Variants in ZBTB7C observed in about 807,000 individuals in gnomAD.
ZBTB7C encodes zinc finger and BTB domain-containing protein 7C.
ZBTB7C carries 8 observed loss-of-function variants against 25.7 expected under a neutral mutation model. That is an observed-to-expected ratio of 0.31 (90% CI 0.18 to 0.56). The LOEUF (loss-of-function observed/expected upper bound fraction) is 0.56. Ranked by LOEUF, ZBTB7C falls within the 20% of genes least tolerant of loss-of-function variation. The pLI is 0.91. For missense variants in ZBTB7C, 824 were observed against 855.2 expected (o/e 0.96, Z 0.46); for synonymous variants, 394 against 369.0 (o/e 1.07, Z -0.78).
chr18:48,204,710 G>A (rs2042538066), intron 2 of ZBTB7C, among the ~76,000 whole-genome samples: 1 of 152,134 alleles, frequency 6.6e-6, no homozygotes, highest in Non-Finnish European at 1.5e-5. Flanking sequence ...GTTGTGTTAT[G>A]TGTTCCATGG....
intron 2 of ZBTB7C, among the ~76,000 whole-genome samples, chr18:48,294,064 G>A (rs537655996): frequency 1.3e-5 from 2 of 152,352 alleles, no homozygotes; most frequent in African/African-American, 4.8e-5. Context: ...GCACGAATGC[G>A]GTGTTTACCT....
intron 4 of ZBTB7C, among the ~76,000 whole-genome samples, chr18:48,034,023 C>T (rs2035867379): frequency 6.6e-6 from 1 of 152,178 alleles, no homozygotes; most frequent in African/African-American, 2.4e-5. Context: ...GGCTGGCTGG[C>T]TTCCTTGCTG....
intron 1 of ZBTB7C, among the ~76,000 whole-genome samples, chr18:48,357,503 C>T (rs572055768): frequency 6.2e-4 from 94 of 152,312 alleles, no homozygotes; most frequent in African/African-American, 2.2e-3. Flanking sequence ...CAGCGCTCAG[C>T]GTCGTTTAGG....
chr18:48,067,126 A>C (rs565249358), intron 3 of ZBTB7C, among the ~76,000 whole-genome samples: 1 of 152,262 alleles, frequency 6.6e-6, no homozygotes, highest in East Asian at 1.9e-4. Flanking sequence ...AAAACAAAAC[A>C]AAACCTAGCT....
chr18:48,191,434 T>C (rs1292927785), intron 2 of ZBTB7C, among the ~76,000 whole-genome samples: 3 of 152,184 alleles, frequency 2.0e-5, no homozygotes, highest in Non-Finnish European at 4.4e-5. Context: ...TTTCACAAGG[T>C]TGAAGCAAGA....
intron 3 of ZBTB7C, among the ~76,000 whole-genome samples, chr18:48,054,199 G>A (rs1306015887): frequency 6.6e-6 from 1 of 152,190 alleles, no homozygotes; most frequent in Non-Finnish European, 1.5e-5. Context: ...ATCAGGGAAG[G>A]TTCTGGATAG....
intron 2 of ZBTB7C, among the ~76,000 whole-genome samples, chr18:48,265,423 C>T (rs1445596119): frequency 6.6e-6 from 1 of 152,184 alleles, no homozygotes; most frequent in African/African-American, 2.4e-5. Context: ...GAGTTCAAGT[C>T]TTGGTTCATC....
At chr18:48,366,532 T>C (rs369132769) in intron 1 of ZBTB7C, among the ~76,000 whole-genome samples, 4 of 152,286 alleles carry the variant, frequency 2.6e-5, no homozygotes, top group African/African-American at 9.6e-5. Context: ...GCAACATACA[T>C]GGCACGCAGT....
intron 1 of ZBTB7C, among the ~76,000 whole-genome samples, chr18:48,373,408 A>G (rs1174184418): frequency 6.6e-6 from 1 of 152,000 alleles, no homozygotes; most frequent in Non-Finnish European, 1.5e-5. Flanking sequence ...AGCCTGAAAA[A>G]CCATAAGCCA....
At chr18:48,200,496 C>G (rs1334060234) in intron 2 of ZBTB7C, among the ~76,000 whole-genome samples, 5 of 152,198 alleles carry the variant, frequency 3.3e-5, no homozygotes, top group Admixed American at 6.5e-5. Flanking sequence ...CGAAATATCT[C>G]ATACCACAAG....
chr18:48,118,139 G>A (rs182123995), intron 3 of ZBTB7C, among the ~76,000 whole-genome samples: 2 of 152,014 alleles, frequency 1.3e-5, no homozygotes, highest in South Asian at 2.1e-4. Flanking sequence ...CCAAGTAGCT[G>A]GGACTACAGG....
intron 3 of ZBTB7C, among the ~76,000 whole-genome samples, chr18:48,077,569 A>T (rs935740856): frequency 3.3e-5 from 5 of 152,200 alleles, no homozygotes; most frequent in African/African-American, 1.2e-4. Flanking sequence ...TGAATGAATG[A>T]ACAGAGAAGT....
At chr18:48,387,327 A>G (rs1366799170) in intron 1 of ZBTB7C, among the ~76,000 whole-genome samples, 1 of 152,200 alleles carries the variant, frequency 6.6e-6, no homozygotes, top group African/African-American at 2.4e-5. Context: ...GGTGGATTAG[A>G]GAGGAGGAGA....
At position 48,326,095 on chromosome 18, in the gene ZBTB7C, C is replaced by CTTTTTT. The variant is rs34725749; in HGVS notation, c.-79+12073_-79+12078dup. The stretch of plus-strand genomic sequence containing the variant: ...TAGATAATGCATACTCTACCAACAT[C>CTTTTTT]TTTTTTTTTTTTTTTTTTGAGATGG... On this transcript the variant is annotated intron_variant, in intron 2 of 4. Coordinates refer to ENST00000590800, the MANE Select transcript of ZBTB7C (RefSeq NM_001318841.2). Among the ~76,000 whole-genome samples the CTTTTTT allele has an allele frequency of 4.0e-5, 5 of 126,172 alleles. 1 individual carries two copies. Among genetic ancestry groups the CTTTTTT allele is most frequent in the Non-Finnish European group, 8.1e-5 (5 of 61,440 alleles). 82.8% of individuals were successfully genotyped at this position (126,172 alleles called of 152,430 possible). A position where few individuals can be genotyped will look rare whatever the true frequency, so the allele number is the denominator to read the frequency against.
chr18:48,160,285 T>C (rs1181394208), intron 3 of ZBTB7C, among the ~76,000 whole-genome samples: 1 of 152,244 alleles, frequency 6.6e-6, no homozygotes, highest in African/African-American at 2.4e-5. Flanking sequence ...AGTCCTCTTG[T>C]TGAGGGCTTG....
intron 2 of ZBTB7C, among the ~76,000 whole-genome samples, chr18:48,195,969 G>A (rs1007931884): frequency 2.6e-5 from 4 of 152,096 alleles, no homozygotes; most frequent in African/African-American, 7.2e-5. Flanking sequence ...GTTTGGGAAT[G>A]AAGCCCAGCT....
intron 1 of ZBTB7C, among the ~76,000 whole-genome samples, chr18:48,368,605 A>G (rs2047310120): frequency 6.6e-6 from 1 of 152,214 alleles, no homozygotes; most frequent in African/African-American, 2.4e-5. Flanking sequence ...AATCTCAGAC[A>G]TAACAAACTT....
chr18:48,376,117 C>G (rs2047513409), intron 1 of ZBTB7C, among the ~76,000 whole-genome samples: 1 of 152,154 alleles, frequency 6.6e-6, no homozygotes, highest in African/African-American at 2.4e-5. Flanking sequence ...GCTGCTAGTC[C>G]CGGGACCACA....
chr18:48,134,646 G>A (rs1210478985), intron 3 of ZBTB7C, among the ~76,000 whole-genome samples: 2 of 152,182 alleles, frequency 1.3e-5, no homozygotes, highest in Non-Finnish European at 2.9e-5. Context: ...CGAGTCCTAT[G>A]AAAATGCCAT....
Sources: allele counts gnomAD v4.1 joint callset (sites outside exome capture counted in the v4.1 genomes callset), GRCh38; gene constraint gnomAD v4.1.1; transcripts MANE v1.5; gene names NCBI Gene and HGNC (gene_info 2026-07-23, HGNC 2026-07-21).